Variants in ZBED6 observed in about 807,000 individuals in gnomAD.
ZBED6 encodes zinc finger BED-type containing 6.
A neutral mutation model predicts 58.4 loss-of-function variants in ZBED6; 40 were observed. The observed-to-expected ratio is 0.68, with a 90% confidence interval of 0.53 to 0.89. The LOEUF (loss-of-function observed/expected upper bound fraction) is 0.89. ZBED6 is among the 40% of genes least tolerant of loss of function. ZBED6 has a pLI of 0.00. For synonymous variants in ZBED6, 439 were observed against 350.6 expected (o/e 1.25, Z -2.82); for missense variants, 1,057 against 1,003.9 (o/e 1.05, Z -0.71).
At chr1:203,835,528 T>C (rs949200824) in intron 9 of ZBED6, 3 of 160,490 alleles carry the variant, frequency 1.9e-5, no homozygotes, top group African/African-American at 4.8e-5. Flanking sequence ...TATTTTTGTT[T>C]ATTTATTTAT....
At chr1:203,819,606 C>G (rs1677790384) in intron 3 of ZBED6, among the ~76,000 whole-genome samples, 1 of 132,714 alleles carries the variant, frequency 7.5e-6, no homozygotes, top group Non-Finnish European at 1.5e-5. Context: ...ATGGGCTCAG[C>G]TTAGTGCAAC....
intron 11 of ZBED6, among the ~76,000 whole-genome samples, chr1:203,845,152 A>G (rs1687544220): frequency 6.6e-6 from 1 of 152,200 alleles, no homozygotes; most frequent in Non-Finnish European, 1.5e-5. Context: ...CTGTAAATTC[A>G]GACATCTGCT....
At chr1:203,805,282 C>T (rs1298572429) in intron 1 of ZBED6, among the ~76,000 whole-genome samples, 1 of 151,308 alleles carries the variant, frequency 6.6e-6, no homozygotes, top group Non-Finnish European at 1.5e-5. Flanking sequence ...CAGGCGCCCG[C>T]CACCACACCC....
At chr1:203,840,331 G>A (rs1219669501) in exon 11 of ZBED6, 1 of 1,612,928 alleles carries the variant, frequency 6.2e-7, no homozygotes, top group East Asian at 2.2e-5. Context: ...CTCTTAAGGA[G>A]CGATTAGGCA....
In ZBED6 at chr1:203,845,917, G is replaced by A. The variant is rs576295608; in HGVS notation, c.*3742-1267G>A. Reference sequence around the variant, plus strand: ...GTAGCAAGAGAAATGAGAACAGCACGGAATACTCCAAGTAGAGGGAATAGT... The same window carrying A: ...GTAGCAAGAGAAATGAGAACAGCACAGAATACTCCAAGTAGAGGGAATAGT... On this transcript the variant is annotated intron_variant, in intron 11 of 16. Transcript: ENST00000550078. 4.1e-4 allele frequency among the ~76,000 whole-genome samples: 62 copies of A among 151,934 alleles called. No homozygotes were observed. In the South Asian group the frequency reaches 0.012, roughly 30 times the overall value.
intron 1 of ZBED6, chr1:203,814,788 G>A (rs1403285944): frequency 1.3e-5 from 2 of 151,978 alleles, no homozygotes; most frequent in African/African-American, 2.4e-5. Flanking sequence ...AACTCTAATG[G>A]CTGTATATTG....
At chr1:203,838,954 CAAAAAAAAAA>C (rs59033094) in intron 10 of ZBED6, among the ~76,000 whole-genome samples, 2 of 97,944 alleles carry the variant, frequency 2.0e-5, no homozygotes, top group Non-Finnish European at 4.0e-5. Context: ...GACTTCATCT[CAAAAAAAAAA>C]AAAAAAAAAA....
intron 7 of ZBED6, 144 bp from the exon 8 acceptor site, chr1:203,831,517 C>T: frequency 1.6e-6 from 1 of 644,480 alleles, no homozygotes; most frequent in Admixed American, 2.7e-5. Context: ...TGACTGTAGG[C>T]AAACAGATAC....
intron 1 of ZBED6, among the ~76,000 whole-genome samples, chr1:203,813,163 C>A (rs1305362132): frequency 6.6e-6 from 1 of 151,824 alleles, no homozygotes; most frequent in East Asian, 1.9e-4. Context: ...CAGAGCAGAC[C>A]TTTTTAATTT....
intron 4 of ZBED6, chr1:203,829,223 CTGTTT>C (rs1681491564): frequency 1.7e-6 from 1 of 572,104 alleles, no homozygotes; most frequent in Non-Finnish European, 3.1e-6. Context: ...TCTGTTGATT[CTGTTT>C]TGAGTGCCCA....
intron 1 of ZBED6, among the ~76,000 whole-genome samples, chr1:203,807,942 A>G (rs77803457): frequency 0.076 from 11,585 of 151,590 alleles, 1,179 homozygotes; most frequent in East Asian, 0.4. Flanking sequence ...AGGTCTCATT[A>G]TGTTGCCCAG....
At chr1:203,803,475 G>A (rs1439333437) in intron 1 of ZBED6, among the ~76,000 whole-genome samples, 2 of 152,224 alleles carry the variant, frequency 1.3e-5, no homozygotes, top group Non-Finnish European at 2.9e-5. Context: ...ACAGGCATGA[G>A]CCACCGCCTC....
intron 1 of ZBED6, among the ~76,000 whole-genome samples, chr1:203,811,652 T>C (rs950695675): frequency 6.6e-6 from 1 of 151,950 alleles, no homozygotes; most frequent in Non-Finnish European, 1.5e-5. Flanking sequence ...GAGACTACAG[T>C]TGTGGGCTAC....
chr1:203,796,729 GC>G (rs1445967532), exon 1 of ZBED6: 4 of 346,776 alleles, frequency 1.2e-5, no homozygotes, highest in Non-Finnish European at 2.1e-5. Flanking sequence ...GGCTGTAAAA[GC>G]TTCTCAAGTC....
At chr1:203,808,980 G>A (rs546024849) in intron 1 of ZBED6, among the ~76,000 whole-genome samples, 8 of 150,664 alleles carry the variant, frequency 5.3e-5, no homozygotes, top group East Asian at 2.0e-4. Flanking sequence ...ACAGGCATTC[G>A]CCACCACGCC....
At chr1:203,849,717 G>T (rs767221745) in exon 14 of ZBED6, 3 of 1,613,888 alleles carry the variant, frequency 1.9e-6, no homozygotes, top group East Asian at 4.5e-5. Context: ...ACAGGCTTCA[G>T]GTGAGACCAC....
At chr1:203,826,233 T>C (rs1680466128) in intron 3 of ZBED6, among the ~76,000 whole-genome samples, 2 of 152,168 alleles carry the variant, frequency 1.3e-5, no homozygotes, top group South Asian at 4.1e-4. Flanking sequence ...TGCTGTACTT[T>C]TATTTTTACT....
chr1:203,810,006 G>GATACTTTTTTTTTCCTTTTAAACT, intron 1 of ZBED6, among the ~76,000 whole-genome samples: 1 of 152,058 alleles, frequency 6.6e-6, no homozygotes, highest in Admixed American at 6.6e-5. Context: ...TGGCAACCTA[G>GATACTTTTTTTTTCCTTTTAAACT]ATACTTTTTT....
chr1:203,805,464 C>G (rs564126585), intron 1 of ZBED6, among the ~76,000 whole-genome samples: 1 of 152,108 alleles, frequency 6.6e-6, no homozygotes, highest in East Asian at 1.9e-4. Flanking sequence ...AAGCATTTCC[C>G]AAGCAATGAG....
Sources: gnomAD v4.1 joint callset for allele counts (sites outside exome capture counted in the v4.1 genomes callset) on GRCh38, gnomAD v4.1.1 for gene constraint, MANE v1.5 for transcripts, NCBI Gene and HGNC (gene_info 2026-07-23, HGNC 2026-07-21) for gene names.